The following LRRC4C variants were observed in gnomAD, a reference collection of about 807,000 sequenced individuals.
The protein encoded by LRRC4C is leucine-rich repeat-containing protein 4C.
A neutral mutation model predicts 33.6 loss-of-function variants in LRRC4C; 5 were observed. That is an observed-to-expected ratio of 0.15 (90% confidence interval 0.08 to 0.31). The LOEUF is 0.31. Among genes scored for constraint, LRRC4C ranks in the 10% least tolerant of loss-of-function variants. The probability of loss-of-function intolerance (pLI) is 1.00; values close to 1 mark genes in which losing one functional copy is unlikely to be tolerated. For synonymous variants in LRRC4C, 329 were observed against 302.0 expected (o/e 1.09, Z -0.93); for missense variants, 560 against 796.7 (o/e 0.70, Z 3.58).
At chr11:40,303,916 A>C (rs1944903118) in intron 4 of LRRC4C, among the ~76,000 whole-genome samples, 1 of 152,228 alleles carries the variant, frequency 6.6e-6, no homozygotes, top group Non-Finnish European at 1.5e-5. Flanking sequence ...TCAACCTTTC[A>C]TAAACCAATT....
At chr11:41,250,791 T>A (rs1021937575) in intron 1 of LRRC4C, among the ~76,000 whole-genome samples, 1 of 152,198 alleles carries the variant, frequency 6.6e-6, no homozygotes, top group Non-Finnish European at 1.5e-5. Context: ...AGCCAATCTG[T>A]TTTCAATTCC....
At chr11:41,166,529 A>G (rs2136067430) in intron 1 of LRRC4C, among the ~76,000 whole-genome samples, 1 of 152,290 alleles carries the variant, frequency 6.6e-6, no homozygotes, top group Admixed American at 6.5e-5. Context: ...TTTTATTTTG[A>G]CAAATTCACT....
chr11:40,249,621 C>T (rs1230412808), intron 4 of LRRC4C, among the ~76,000 whole-genome samples: 2 of 150,828 alleles, frequency 1.3e-5, no homozygotes, highest in Non-Finnish European at 3.0e-5. Flanking sequence ...TATGCGTATA[C>T]ACATGCCCAC....
chr11:41,391,057 A>T (rs2137998939), intron 1 of LRRC4C, among the ~76,000 whole-genome samples: 1 of 151,920 alleles, frequency 6.6e-6, no homozygotes, highest in East Asian at 2.0e-4. Flanking sequence ...GTAAAAAAAA[A>T]ATCATTTGTT....
chr11:41,210,691 T>C (rs368211286), intron 1 of LRRC4C, among the ~76,000 whole-genome samples: 307 of 152,248 alleles, frequency 2.0e-3, no homozygotes, highest in African/African-American at 7.0e-3. Flanking sequence ...TGCCCTTCAA[T>C]AAACTAGCCT....
intron 2 of LRRC4C, among the ~76,000 whole-genome samples, chr11:40,863,780 TG>T (rs1475247626): frequency 6.6e-6 from 1 of 152,186 alleles, no homozygotes; most frequent in African/African-American, 2.4e-5. Flanking sequence ...GGTCATAATT[TG>T]GCCAAACACA....
chr11:41,239,458 C>T (rs1406226648), intron 1 of LRRC4C, among the ~76,000 whole-genome samples: 3 of 151,848 alleles, frequency 2.0e-5, no homozygotes, highest in Non-Finnish European at 4.4e-5. Flanking sequence ...CATACACACA[C>T]TGCTGCAACT....
rs71060962 is a variant in LRRC4C at position 40,451,366 on chromosome 11, C to CTTTTTTTTTTTTTTTT, written c.-269-131661_-269-131646dup. Among the ~76,000 whole-genome samples the CTTTTTTTTTTTTTTTT allele has an allele frequency of 6.4e-5, 3 of 47,058 alleles. 1 individual carries two copies. The highest frequency in any genetic ancestry group is 2.8e-4 in the African/African-American group (3 of 10,736). The allele number at this position is 47,058 out of a possible 152,430, so 30.9% of individuals were successfully genotyped here. A position where few individuals can be genotyped will look rare whatever the true frequency, so the allele number is the denominator to read the frequency against. ...ACTATTAGCCTTACAGAAATAATGA[C>CTTTTTTTTTTTTTTTT]TTTTTTTTTTTTTTTTTTTTTTTTT... On this transcript the variant is annotated intron_variant, in intron 3 of 6. Coordinates refer to ENST00000528697, the MANE Select transcript of LRRC4C (RefSeq NM_001258419.2).
intron 1 of LRRC4C, among the ~76,000 whole-genome samples, chr11:41,277,493 G>A (rs1214559809): frequency 6.6e-6 from 1 of 152,110 alleles, no homozygotes; most frequent in East Asian, 1.9e-4. Context: ...GTAAGGATAT[G>A]AGATTACTCA....
intron 2 of LRRC4C, among the ~76,000 whole-genome samples, chr11:40,787,590 C>T (rs891796059): frequency 1.3e-5 from 2 of 152,112 alleles, no homozygotes; most frequent in Non-Finnish European, 2.9e-5. Context: ...TAAACTTATT[C>T]TACATTTTAT....
intron 2 of LRRC4C, among the ~76,000 whole-genome samples, chr11:40,747,027 C>A (rs187957313): frequency 2.6e-5 from 4 of 152,180 alleles, no homozygotes; most frequent in South Asian, 2.1e-4. Context: ...AATAAGCCAC[C>A]TGGTGGCTCG....
At chr11:40,229,119 T>C (rs1350769185) in intron 5 of LRRC4C, among the ~76,000 whole-genome samples, 1 of 152,170 alleles carries the variant, frequency 6.6e-6, no homozygotes, top group African/African-American at 2.4e-5. Context: ...GCAAATTTAA[T>C]CTTCTCTTTT....
intron 2 of LRRC4C, among the ~76,000 whole-genome samples, chr11:40,892,909 A>G (rs1159194734): frequency 6.6e-6 from 1 of 152,218 alleles, no homozygotes; most frequent in Non-Finnish European, 1.5e-5. Context: ...ACTAAATTGT[A>G]CATTTATGAA....
chr11:41,064,086 GAC>G (rs1246340238), intron 1 of LRRC4C, among the ~76,000 whole-genome samples: 10 of 152,146 alleles, frequency 6.6e-5, no homozygotes, highest in African/African-American at 1.9e-4. Flanking sequence ...GAATGCTCTA[GAC>G]ACACACAAAA....
chr11:40,371,309 T>C (rs1189682686), intron 3 of LRRC4C, among the ~76,000 whole-genome samples: 3 of 152,178 alleles, frequency 2.0e-5, no homozygotes, highest in Non-Finnish European at 4.4e-5. Flanking sequence ...GTATAATATA[T>C]GCTTTTGACA....
chr11:40,139,658 T>C (rs192734876), intron 6 of LRRC4C, among the ~76,000 whole-genome samples: 1 of 152,312 alleles, frequency 6.6e-6, no homozygotes, highest in African/African-American at 2.4e-5. Flanking sequence ...CAGCATATTT[T>C]CAATTAAACC....
intron 2 of LRRC4C, among the ~76,000 whole-genome samples, chr11:40,854,803 A>G (rs1266450097): frequency 6.6e-6 from 1 of 151,720 alleles, no homozygotes; most frequent in South Asian, 2.1e-4. Context: ...AAAAATAATA[A>G]GATTCAGTTT....
In LRRC4C at chr11:40,318,389, T is replaced by A. The variant is rs571367078; in HGVS notation, c.-176+1239A>T. Among the ~76,000 whole-genome samples the A allele has an allele frequency of 5.8e-4, 89 of 152,220 alleles. 1 individual carries two copies. The highest frequency in any genetic ancestry group is 2.1e-3 in the African/African-American group (86 of 41,540). ...AAACATTTTTTGGAATGAAATGACC[T>A]TCAATCTTAGATGATGAAACACAAA... On this transcript the variant is annotated intron_variant, in intron 4 of 6. Transcript: ENST00000528697.
intron 1 of LRRC4C, among the ~76,000 whole-genome samples, chr11:41,079,535 A>G (rs1030122919): frequency 6.6e-6 from 1 of 152,190 alleles, no homozygotes; most frequent in African/African-American, 2.4e-5. Context: ...AAGAGCAAAA[A>G]GATGTATTGC....
Sources: gnomAD v4.1 joint callset for allele counts (sites outside exome capture counted in the v4.1 genomes callset) on GRCh38, gnomAD v4.1.1 for gene constraint, MANE v1.5 for transcripts, NCBI Gene and HGNC (gene_info 2026-07-23, HGNC 2026-07-21) for gene names.